Variants in STYK1 observed in about 807,000 individuals in gnomAD.
STYK1 encodes tyrosine-protein kinase STYK1.
A neutral mutation model predicts 48.1 loss-of-function variants in STYK1; 46 were observed. That is an observed-to-expected ratio of 0.96 (90% CI 0.75 to 1.22). STYK1 has a LOEUF of 1.22. Among genes scored for constraint, STYK1 ranks in the 50% most tolerant of loss-of-function variants. The probability of loss-of-function intolerance (pLI) is 0.00; values close to 1 mark genes in which losing one functional copy is unlikely to be tolerated. For missense variants in STYK1, 527 were observed against 521.1 expected (o/e 1.01, Z -0.11); for synonymous variants, 188 against 189.0 (o/e 0.99, Z 0.04).
At chr12:10,668,817 G>T (rs564155248) in intron 1 of STYK1, among the ~76,000 whole-genome samples, 1 of 152,154 alleles carries the variant, frequency 6.6e-6, no homozygotes, top group East Asian at 1.9e-4. Flanking sequence ...TAACCAGTTT[G>T]CCTATTATTA....
intron 1 of STYK1, among the ~76,000 whole-genome samples, chr12:10,656,282 C>G (rs1344879576): frequency 1.3e-5 from 2 of 152,132 alleles, no homozygotes; most frequent in African/African-American, 4.8e-5. Context: ...TAAAGCTTTT[C>G]TTTTGTAAAT....
At chr12:10,640,912 G>A (rs1947536226) in intron 1 of STYK1, among the ~76,000 whole-genome samples, 2 of 152,094 alleles carry the variant, frequency 1.3e-5, no homozygotes, top group African/African-American at 4.8e-5. Context: ...ATATGGTTTC[G>A]CAGATAAACA....
intron 1 of STYK1, among the ~76,000 whole-genome samples, chr12:10,638,650 T>G (rs1467346909): frequency 6.6e-6 from 1 of 152,256 alleles, no homozygotes; most frequent in East Asian, 1.9e-4. Context: ...AAGTGGCATT[T>G]CTTTTCAGTT....
At chr12:10,630,394 AAAAAAAG>A (rs1375846328) in intron 5 of STYK1, among the ~76,000 whole-genome samples, 5 of 149,482 alleles carry the variant, frequency 3.3e-5, no homozygotes, top group Non-Finnish European at 7.4e-5. Flanking sequence ...TCAAAAAAAA[AAAAAAAG>A]AAAAAAGAAA....
rs529339096 is a variant in STYK1 at position 10,670,228 on chromosome 12, T to G, written c.-195+3738A>C. On this transcript the variant is annotated intron_variant, in intron 1 of 10. Transcript: ENST00000075503. ...CAATGTTTTGCCTTCTGTGTATAGA[T>G]AGCAAGAAAATGAAATCAGTGTGTC... Among the ~76,000 whole-genome samples, 14 of 152,332 alleles carry G rather than the reference T, an allele frequency of 9.2e-5. No individual in the cohort carries two copies. In the East Asian group the frequency reaches 2.7e-3, roughly 29 times the overall value.
intron 1 of STYK1, 121 bp from the exon 2 acceptor site, chr12:10,637,317 T>C (rs997515567): frequency 1.1e-4 from 16 of 151,698 alleles, no homozygotes; most frequent in African/African-American, 3.6e-4. Context: ...GCATATGGAG[T>C]GTACCAGATG....
At chr12:10,638,669 A>G (rs1237663429) in intron 1 of STYK1, among the ~76,000 whole-genome samples, 2 of 152,256 alleles carry the variant, frequency 1.3e-5, no homozygotes, top group Non-Finnish European at 2.9e-5. Flanking sequence ...TTAGCACAAT[A>G]CAGTCTCCCG....
chr12:10,620,038 G>T lies in STYK1; in HGVS notation c.*106C>A. 1 of 1,226,370 alleles carries T rather than the reference G, an allele frequency of 8.2e-7. No individual in the cohort carries two copies. The highest frequency in any genetic ancestry group is 1.2e-6 in the Non-Finnish European group (1 of 848,608). The allele number at this position is 1,226,370 out of a possible 1,614,324, so 76.0% of individuals were successfully genotyped here. The stretch of plus-strand genomic sequence containing the variant: ...GTGTAAAGGAAGATCAAGAATCCAT[G>T]TCCCATTTCTCCCTTTGTGTCCCTG... On this transcript the variant is annotated 3_prime_UTR_variant, in exon 11 of 11. Coordinates refer to ENST00000075503, the MANE Select transcript of STYK1 (RefSeq NM_018423.3).
At chr12:10,643,257 C>T (rs1262615071) in intron 1 of STYK1, among the ~76,000 whole-genome samples, 1 of 152,206 alleles carries the variant, frequency 6.6e-6, no homozygotes, top group Non-Finnish European at 1.5e-5. Context: ...GATTACTGAG[C>T]TCTTGCTACT....
chr12:10,628,051 T>C (rs1168373605), intron 6 of STYK1, among the ~76,000 whole-genome samples: 2 of 152,256 alleles, frequency 1.3e-5, no homozygotes, highest in African/African-American at 4.8e-5. Flanking sequence ...CATGTGTTCA[T>C]GATTAATTTA....
At chr12:10,629,108 C>A (rs1484840499) in intron 6 of STYK1, among the ~76,000 whole-genome samples, 1 of 152,140 alleles carries the variant, frequency 6.6e-6, no homozygotes, top group Non-Finnish European at 1.5e-5. Context: ...GTGACTTGCT[C>A]ACAGTCACAT....
At chr12:10,673,250 G>C (rs958225466) in intron 1 of STYK1, among the ~76,000 whole-genome samples, 2 of 152,146 alleles carry the variant, frequency 1.3e-5, no homozygotes, top group Non-Finnish European at 2.9e-5. Context: ...GGTGGTGGGA[G>C]CCTGTAATCC....
chr12:10,665,482 A>G (rs1947824822), intron 1 of STYK1, among the ~76,000 whole-genome samples: 1 of 152,196 alleles, frequency 6.6e-6, no homozygotes, highest in African/African-American at 2.4e-5. Flanking sequence ...TGTGTGTTGA[A>G]TCTCCATCTG....
chr12:10,623,724 C>A (rs894276974), intron 8 of STYK1, among the ~76,000 whole-genome samples: 1 of 152,074 alleles, frequency 6.6e-6, no homozygotes, highest in Non-Finnish European at 1.5e-5. Flanking sequence ...AAAGTAACAT[C>A]AAAAGTCTGC....
At chr12:10,649,187 G>A (rs903439074) in intron 1 of STYK1, among the ~76,000 whole-genome samples, 22 of 151,900 alleles carry the variant, frequency 1.4e-4, no homozygotes, top group Non-Finnish European at 3.2e-4. Flanking sequence ...GAAATAGGTG[G>A]AGATGTAAAT....
intron 1 of STYK1, among the ~76,000 whole-genome samples, chr12:10,668,989 A>G (rs1162511345): frequency 1.3e-5 from 2 of 152,126 alleles, no homozygotes; most frequent in African/African-American, 4.8e-5. Flanking sequence ...GCTGGTGGGG[A>G]GGACAAAAAT....
chr12:10,621,443 CTGAA>C (rs1254447123), intron 10 of STYK1, among the ~76,000 whole-genome samples: 2 of 152,164 alleles, frequency 1.3e-5, no homozygotes, highest in Admixed American at 6.5e-5. Flanking sequence ...CTGGTATACT[CTGAA>C]TGAGTAACTC....
At chr12:10,657,081 A>C (rs1199701754) in intron 1 of STYK1, among the ~76,000 whole-genome samples, 1 of 152,132 alleles carries the variant, frequency 6.6e-6, no homozygotes, top group Non-Finnish European at 1.5e-5. Context: ...AAGTGTCCCC[A>C]TTGCCACACT....
chr12:10,626,939 G>C (rs915182321), intron 7 of STYK1, among the ~76,000 whole-genome samples: 1 of 152,130 alleles, frequency 6.6e-6, no homozygotes, highest in African/African-American at 2.4e-5. Flanking sequence ...CCTGGGAGGC[G>C]GAGCTTCCAG....
Sources: allele counts gnomAD v4.1 joint callset (sites outside exome capture counted in the v4.1 genomes callset), GRCh38; gene constraint gnomAD v4.1.1; transcripts MANE v1.5; gene names NCBI Gene and HGNC (gene_info 2026-07-23, HGNC 2026-07-21).